KLHL13: variants seen among roughly 807,000 people sequenced by gnomAD.
KLHL13 encodes the protein kelch-like protein 13.
A neutral mutation model predicts 37.1 loss-of-function variants in KLHL13; 10 were observed. That is an observed-to-expected ratio of 0.27 (90% confidence interval 0.17 to 0.46). The LOEUF is 0.46. Ranked by LOEUF, KLHL13 falls within the 20% of genes least tolerant of loss-of-function variation. The pLI is 1.00. For synonymous variants in KLHL13, 163 were observed against 181.2 expected (o/e 0.90, Z 0.81); for missense variants, 360 against 509.3 (o/e 0.71, Z 2.82).
chrX:118,004,637 T>G, intron 1 of KLHL13, among the ~76,000 whole-genome samples: 1 of 112,575 alleles, frequency 8.9e-6, no homozygotes, highest in Non-Finnish European at 1.9e-5. Flanking sequence ...TCCATATTGA[T>G]GCAATAAATG....
chrX:117,936,982 T>C (rs1408943325), intron 2 of KLHL13, among the ~76,000 whole-genome samples: 1 of 112,037 alleles, frequency 8.9e-6, no homozygotes, highest in Non-Finnish European at 1.9e-5. Flanking sequence ...ATTCTAGTTT[T>C]GGCTGAAACC....
intron 1 of KLHL13, among the ~76,000 whole-genome samples, chrX:117,962,406 C>T (rs1481223703): frequency 9.1e-6 from 1 of 109,403 alleles, no homozygotes; most frequent in African/African-American, 3.3e-5. Context: ...GGGTAGAACC[C>T]TTGGAACGTG....
intron 1 of KLHL13, among the ~76,000 whole-genome samples, chrX:117,953,520 T>C (rs1933747587): frequency 9.1e-6 from 1 of 110,464 alleles, no homozygotes; most frequent in Non-Finnish European, 1.9e-5. Flanking sequence ...AACCTGCACA[T>C]TGTGCACATG....
chrX:118,095,006 C>A (rs1029903118), intron 1 of KLHL13, among the ~76,000 whole-genome samples: 2 of 111,317 alleles, frequency 1.8e-5, no homozygotes, highest in Non-Finnish European at 3.8e-5. Context: ...AACCAGCTAA[C>A]ATCATAATGA....
Position 118,065,746 on chromosome X carries a change from G to C in KLHL13, c.-56+50762C>G, listed in dbSNP as rs759859378. Among the ~76,000 whole-genome samples the C allele has an allele frequency of 2.1e-4, 24 of 111,851 alleles. 1 individual carries two copies. In the South Asian group the frequency reaches 9.0e-3, roughly 42 times the overall value. ...GGCCTCCCTAGGCTCCATTAGGCTA[G>C]AGCAAGCTCCAGTGTGTTTCTGCTA... On this transcript the variant is annotated intron_variant, in intron 1 of 6. Coordinates refer to the KLHL13 transcript ENST00000371882.
At chrX:117,998,966 A>C (rs6645432) in intron 1 of KLHL13, among the ~76,000 whole-genome samples, 2 of 111,099 alleles carry the variant, frequency 1.8e-5, no homozygotes, top group Non-Finnish European at 3.8e-5. Context: ...TTTGTACCAT[A>C]TAATTATTCC....
chrX:118,024,183 A>G (rs2054250397), intron 1 of KLHL13, among the ~76,000 whole-genome samples: 2 of 112,356 alleles, frequency 1.8e-5, no homozygotes, highest in South Asian at 7.3e-4. Context: ...AATTAAAAGT[A>G]CAAAGAACTT....
intron 1 of KLHL13, among the ~76,000 whole-genome samples, chrX:118,107,101 C>T (rs995174910): frequency 8.9e-6 from 1 of 111,865 alleles, no homozygotes; most frequent in Non-Finnish European, 1.9e-5. Flanking sequence ...TATCAGAAAA[C>T]CAAATGTTTT....
At chrX:118,034,893 A>G (rs1167344746) in intron 1 of KLHL13, among the ~76,000 whole-genome samples, 1 of 86,119 alleles carries the variant, frequency 1.2e-5, no homozygotes, top group East Asian at 3.3e-4. Flanking sequence ...GACGCAATAA[A>G]AAATGTTAAA....
intron 1 of KLHL13, among the ~76,000 whole-genome samples, chrX:118,069,660 AAT>A (rs1331535316): frequency 1.8e-5 from 2 of 111,669 alleles, no homozygotes; most frequent in African/African-American, 3.2e-5. Flanking sequence ...ATAGCTGTGC[AAT>A]ATGTTTTTGT....
intron 1 of KLHL13, among the ~76,000 whole-genome samples, chrX:117,985,602 CA>C (rs1207586713): frequency 1.8e-5 from 2 of 110,434 alleles, no homozygotes; most frequent in East Asian, 5.7e-4. Flanking sequence ...GTAAACTGAA[CA>C]GGAACAAAGT....
chrX:118,068,410 A>G (rs2054817816), intron 1 of KLHL13, among the ~76,000 whole-genome samples: 1 of 111,725 alleles, frequency 9.0e-6, no homozygotes, highest in Non-Finnish European at 1.9e-5. Flanking sequence ...AACCTTGGTG[A>G]GCACAGAAAC....
chrX:117,918,803 G>T (rs1018919266), intron 4 of KLHL13, among the ~76,000 whole-genome samples: 1 of 111,534 alleles, frequency 9.0e-6, no homozygotes, highest in African/African-American at 3.3e-5. Context: ...TTGCCCATAG[G>T]TATTAGTTCT....
intron 1 of KLHL13, among the ~76,000 whole-genome samples, chrX:118,019,411 G>A (rs1447326554): frequency 3.6e-5 from 4 of 109,876 alleles, no homozygotes; most frequent in Non-Finnish European, 7.6e-5. Flanking sequence ...CAGATGAGTA[G>A]GTTGAAAAAA....
rs891923299 is a variant in KLHL13, at chrX:118,089,593, A to T, written c.-56+26915T>A. 9.8e-4 allele frequency among the ~76,000 whole-genome samples: 77 copies of T among 78,974 alleles called. 1 individual carries two copies. Among genetic ancestry groups the T allele is most frequent in the Non-Finnish European group, 1.5e-3 (64 of 43,659 alleles). The allele number at this position is 78,974 out of a possible 115,157, so 68.6% of individuals were successfully genotyped here. ...GAAGAAAGAAAAGAAAAGAAAAGAG[A>T]GAGAGAGAGAGAGAGAGAGAAAGAA... On this transcript the variant is annotated intron_variant, in intron 1 of 6. Transcript: ENST00000371882.
chrX:117,980,842 A>G (rs2053652834), intron 1 of KLHL13, among the ~76,000 whole-genome samples: 1 of 111,709 alleles, frequency 9.0e-6, no homozygotes, highest in Admixed American at 9.5e-5. Context: ...AAAAGGCTCA[A>G]TTTCAAACTT....
intron 1 of KLHL13, among the ~76,000 whole-genome samples, chrX:118,019,120 A>G (rs944920015): frequency 9.0e-6 from 1 of 110,911 alleles, no homozygotes; most frequent in African/African-American, 3.3e-5. Context: ...ATTATTAACT[A>G]TTGTCCTCAT....
chrX:117,910,058 G>C, exon 5 of KLHL13: 1 of 1,188,291 alleles, frequency 8.4e-7, no homozygotes, highest in East Asian at 3.0e-5. Context: ...TGTAGGTGTT[G>C]GCAATCCGTC....
intron 2 of KLHL13, among the ~76,000 whole-genome samples, chrX:117,932,083 C>A (rs1479841610): frequency 9.1e-6 from 1 of 110,377 alleles, no homozygotes; most frequent in Non-Finnish European, 1.9e-5. Context: ...TTATGGGGTA[C>A]AATGTGATGT....
Sources: allele counts gnomAD v4.1 joint callset (sites outside exome capture counted in the v4.1 genomes callset), GRCh38; gene constraint gnomAD v4.1.1; transcripts MANE v1.5; gene names NCBI Gene and HGNC (gene_info 2026-07-23, HGNC 2026-07-21).